The following MYRF variants were observed in gnomAD, a reference collection of about 807,000 sequenced individuals.
MYRF encodes the protein myelin gene regulatory factor.
Under a neutral mutation model 126.3 loss-of-function variants are expected in MYRF, and 16 were observed. That is an observed-to-expected ratio of 0.13 (90% CI 0.09 to 0.19). The LOEUF (loss-of-function observed/expected upper bound fraction) is 0.19. Among genes scored for constraint, MYRF ranks in the 10% least tolerant of loss-of-function variants. The pLI, the probability that MYRF is intolerant of heterozygous loss-of-function variation, is 1.00. For missense variants in MYRF, 1,104 were observed against 1,547.0 expected (o/e 0.71, Z 4.80); for synonymous variants, 608 against 635.3 (o/e 0.96, Z 0.65).
In MYRF at chr11:61,778,368, C is replaced by T. The variant is rs752348486; in HGVS notation, c.1904-12C>T. On this transcript the variant is annotated splice_polypyrimidine_tract_variant and intron_variant, in intron 13 of 26. Coordinates refer to ENST00000278836, the MANE Select transcript of MYRF (RefSeq NM_001127392.3). This position sits in a 1 kb window ranked among gnomAD's most constrained non-coding sequence, Gnocchi z 4.6. ...CCCCCCCACCCATCTTTGGCTTGTC[C>T]CCTGCCCCCAGGTGTCATCGCTCAG... 10 of 1,599,880 alleles carry T rather than the reference C, an allele frequency of 6.3e-6. No homozygotes were observed. The highest frequency in any genetic ancestry group is 8.6e-6 in the Non-Finnish European group (10 of 1,167,318).
chr11:61,767,266 GGGA>G (rs1272809073), intron 3 of MYRF: 1 of 456,632 alleles, frequency 2.2e-6, no homozygotes, highest in African/African-American at 2.0e-5. Flanking sequence ...TGGGGGCAGA[GGGA>G]GGAGAACTAA....
At chr11:61,785,657 CTCCT>C in intron 25 of MYRF, 139 bp from the exon 26 acceptor site, 1 of 676,886 alleles carries the variant, frequency 1.5e-6, no homozygotes, top group South Asian at 1.8e-5. Flanking sequence ...GCAGAACATG[CTCCT>C]TCCTATCTCT....
intron 1 of MYRF, among the ~76,000 whole-genome samples, chr11:61,765,047 G>C (rs2066015646): frequency 6.6e-6 from 1 of 152,218 alleles, no homozygotes; most frequent in South Asian, 2.1e-4. Flanking sequence ...CCTGGGTGCA[G>C]GAGACTCCCA....
rs2066692899 is a variant in MYRF at position 61,786,251 on chromosome 11, G to A, written c.*108G>A. ...GAGCCCGCTGCAGGCCAGCTCTGCT[G>A]TTCACTGGCCCTACCCGAGACTGGT... On this transcript the variant is annotated 3_prime_UTR_variant, in exon 27 of 27. Transcript: ENST00000278836. This position sits in a 1 kb window ranked among gnomAD's most constrained non-coding sequence, Gnocchi z 4.5. 1 of 1,048,948 alleles carries A rather than the reference G, an allele frequency of 9.5e-7. No individual in the cohort carries two copies. The highest frequency in any genetic ancestry group is 1.4e-6 in the Non-Finnish European group (1 of 691,960). 65.0% of individuals were successfully genotyped at this position (1,048,948 alleles called of 1,614,324 possible).
intron 1 of MYRF, among the ~76,000 whole-genome samples, chr11:61,753,537 C>G (rs1197631925): frequency 6.6e-6 from 1 of 152,070 alleles, no homozygotes; most frequent in Admixed American, 6.5e-5. Flanking sequence ...CTCTGAGACC[C>G]TTCTAGTGCT....
Position 61,777,647 on chromosome 11 carries a change from G to A in MYRF, c.1792-87G>A. On this transcript the variant is annotated intron_variant, in intron 12 of 26. Transcript: ENST00000278836. This position sits in a 1 kb window ranked among gnomAD's most constrained non-coding sequence, Gnocchi z 8.8. ...GGTGGGGTCTCCTCTCCACACTGCA[G>A]CCTCCAGGCTGCCGCCCTCCTGGGC... is the stretch of plus-strand genomic sequence containing the variant. The A allele has an allele frequency of 7.2e-7, 1 of 1,389,490 alleles. No homozygotes were observed. The highest frequency in any genetic ancestry group is 2.1e-5 in the Admixed American group (1 of 48,066). 86.1% of individuals were successfully genotyped at this position (1,389,490 alleles called of 1,614,324 possible).
At chr11:61,769,159 C>T (rs2135770453) in intron 3 of MYRF, 101 bp from the exon 4 acceptor site, 3 of 685,050 alleles carry the variant, frequency 4.4e-6, no homozygotes, top group Non-Finnish European at 7.8e-6. Flanking sequence ...GTGTCGCCAG[C>T]TTCTGGGGGG....
rs889579081 is a variant in MYRF, at chr11:61,778,967, C to G, written c.2014-296C>G. On this transcript the variant is annotated intron_variant, in intron 14 of 26. Transcript: ENST00000278836. This position sits in a 1 kb window ranked among gnomAD's most constrained non-coding sequence, Gnocchi z 4.6. ...CGAGGGGCAGATCCCGGGGCTGCAG[C>G]CTTCAGGCTTAGGAGAGGAGAGCTC... The G allele has an allele frequency of 1.6e-5, 10 of 628,886 alleles. No individual in the cohort carries two copies. Among genetic ancestry groups the G allele is most frequent in the African/African-American group, 1.3e-4 (7 of 55,678 alleles). 39.0% of individuals were successfully genotyped at this position (628,886 alleles called of 1,614,324 possible). A position where few individuals can be genotyped will look rare whatever the true frequency, so the allele number is the denominator to read the frequency against.
In MYRF at chr11:61,778,358, T is replaced by C; in HGVS notation, c.1904-22T>C. On this transcript the variant is annotated intron_variant, in intron 13 of 26. Transcript: ENST00000278836. The surrounding 1 kb of genome is among the most constrained non-coding windows in gnomAD (Gnocchi z 4.6). ...CCCTTTACCACCCCCCCACCCATCT[T>C]TGGCTTGTCCCCTGCCCCCAGGTGT... 6.5e-7 allele frequency: 1 copy of C among 1,538,548 alleles called. No homozygotes were observed. The highest frequency in any genetic ancestry group is 9.0e-7 in the Non-Finnish European group (1 of 1,111,480).
chr11:61,775,713 T>G, intron 8 of MYRF, among the ~76,000 whole-genome samples: 1 of 149,662 alleles, frequency 6.7e-6, no homozygotes, highest in African/African-American at 2.5e-5. Context: ...GCTGTGAGTG[T>G]GTGTGTGTGT....
chr11:61,778,282 C>A lies in MYRF; in HGVS notation c.1904-98C>A. ...GAATCCAAATCTCTGGGTTCCAGAA[C>A]TTCACCCTCTCCAGTCTTGCTCCCA... On this transcript the variant is annotated intron_variant, in intron 13 of 26. Coordinates refer to ENST00000278836, the MANE Select transcript of MYRF (RefSeq NM_001127392.3). This position sits in a 1 kb window ranked among gnomAD's most constrained non-coding sequence, Gnocchi z 4.6. 1.2e-6 allele frequency: 1 copy of A among 840,486 alleles called. No individual in the cohort carries two copies. Among genetic ancestry groups the A allele is most frequent in the Admixed American group, 1.8e-5 (1 of 56,660 alleles). 52.1% of individuals were successfully genotyped at this position (840,486 alleles called of 1,614,324 possible). A position where few individuals can be genotyped will look rare whatever the true frequency, so the allele number is the denominator to read the frequency against.
At chr11:61,772,136 T>C (rs1296185400) in intron 7 of MYRF, among the ~76,000 whole-genome samples, 184 bp downstream of exon 7, 1 of 152,104 alleles carries the variant, frequency 6.6e-6, no homozygotes, top group African/African-American at 2.4e-5. Context: ...GCCCCAGGCC[T>C]CCCTGAGAAG....
Position 61,776,893 on chromosome 11 carries a change from T to C in MYRF, c.1590+16T>C. ...CATTGTGCGGGTGAGGGCCACCTCC[T>C]CCCAGGGCGTAGACAGCCCTCCCCA... On this transcript the variant is annotated intron_variant, in intron 11 of 26. Transcript: ENST00000278836. The surrounding 1 kb of genome is among the most constrained non-coding windows in gnomAD (Gnocchi z 4.3). 1 of 1,582,378 alleles carries C rather than the reference T, an allele frequency of 6.3e-7. No homozygotes were observed. The highest frequency in any genetic ancestry group is 8.6e-7 in the Non-Finnish European group (1 of 1,165,348).
Position 61,776,499 on chromosome 11 carries a change from G to A in MYRF, c.1499+67G>A. ...GAGGCAGGAAGACACTGCCCTGGGT[G>A]GCACACCAGGCACAGAGTCCTACAG... On this transcript the variant is annotated intron_variant, in intron 10 of 26. Coordinates refer to ENST00000278836, the MANE Select transcript of MYRF (RefSeq NM_001127392.3). The surrounding 1 kb of genome is among the most constrained non-coding windows in gnomAD (Gnocchi z 4.3). The A allele has an allele frequency of 2.2e-5, 29 of 1,289,028 alleles. No homozygotes were observed. Among genetic ancestry groups the A allele is most frequent in the Non-Finnish European group, 3.1e-5 (28 of 909,572 alleles). The allele number at this position is 1,289,028 out of a possible 1,614,324, so 79.8% of individuals were successfully genotyped here. A position where few individuals can be genotyped will look rare whatever the true frequency, so the allele number is the denominator to read the frequency against.
At chr11:61,779,647 C>A in intron 16 of MYRF, 77 bp downstream of exon 16, 3 of 1,353,554 alleles carry the variant, frequency 2.2e-6, no homozygotes, top group Non-Finnish European at 3.0e-6. Flanking sequence ...TTGCAGTTCT[C>A]CAGCCTCACT....
chr11:61,756,172 C>T (rs1303417182), intron 1 of MYRF, among the ~76,000 whole-genome samples: 1 of 152,196 alleles, frequency 6.6e-6, no homozygotes, highest in Non-Finnish European at 1.5e-5. Flanking sequence ...TTGAAAGCCA[C>T]CCTTCCCGGC....
In MYRF at chr11:61,786,213, T is replaced by C. The variant is rs1591137885; in HGVS notation, c.*70T>C. 1.4e-6 allele frequency: 2 copies of C among 1,453,830 alleles called. No homozygotes were observed. The highest frequency in any genetic ancestry group is 2.3e-5 in the East Asian group (1 of 43,682). The allele number at this position is 1,453,830 out of a possible 1,614,324, so 90.1% of individuals were successfully genotyped here. On this transcript the variant is annotated 3_prime_UTR_variant, in exon 27 of 27. Transcript: ENST00000278836. The surrounding 1 kb of genome is among the most constrained non-coding windows in gnomAD (Gnocchi z 4.5). ...AGGCACCCCCCAACACTGGATGCAA[T>C]GGTGTTACACTGGAGCCCGCTGCAG...
In MYRF at chr11:61,776,591, G is replaced by A. The variant is rs933803646; in HGVS notation, c.1499+159G>A. On this transcript the variant is annotated intron_variant, in intron 10 of 26. Coordinates refer to ENST00000278836, the MANE Select transcript of MYRF (RefSeq NM_001127392.3). The surrounding 1 kb of genome is among the most constrained non-coding windows in gnomAD (Gnocchi z 4.3). ...CTTCATTGACTTAAGGATGGGAAGA[G>A]CAGAAGCCTGGCTTCTGGGTTGAGA... is the stretch of plus-strand genomic sequence containing the variant. Among the ~76,000 whole-genome samples, 10 of 152,276 alleles carry A rather than the reference G, an allele frequency of 6.6e-5. No homozygotes were observed. The highest frequency in any genetic ancestry group is 2.0e-4 in the Admixed American group (3 of 15,310).
In MYRF at chr11:61,752,688, C is replaced by G; in HGVS notation, c.-57C>G. On this transcript the variant is annotated 5_prime_UTR_variant, in exon 1 of 27. Coordinates refer to ENST00000278836, the MANE Select transcript of MYRF (RefSeq NM_001127392.3). ...CGCGGGCCGCGCCGGCGATGCCGCG[C>G]CCCCGGGCCGGGCTGTAGCGGGGCC... is the stretch of plus-strand genomic sequence containing the variant. The G allele has an allele frequency of 1.6e-6, 2 of 1,242,530 alleles. No individual in the cohort carries two copies. Among genetic ancestry groups the G allele is most frequent in the Non-Finnish European group, 2.0e-6 (2 of 989,420 alleles). The allele number at this position is 1,242,530 out of a possible 1,614,324, so 77.0% of individuals were successfully genotyped here.
Sources: gnomAD v4.1 joint callset for allele counts (sites outside exome capture counted in the v4.1 genomes callset) on GRCh38, gnomAD v4.1.1 for gene constraint, Gnocchi (gnomAD v3.1) non-coding constraint, MANE v1.5 for transcripts, NCBI Gene and HGNC (gene_info 2026-07-23, HGNC 2026-07-21) for gene names.